Variants in TECR observed in about 807,000 individuals in gnomAD.
TECR encodes trans-2,3-enoyl-CoA reductase, also known as very-long-chain enoyl-CoA reductase.
TECR carries 19 observed loss-of-function variants against 50.6 expected under a neutral mutation model. The observed-to-expected ratio is 0.38, with a 90% CI of 0.26 to 0.55. TECR has a LOEUF of 0.55. Ranked by LOEUF, TECR falls within the 20% of genes least tolerant of loss-of-function variation. The pLI, the probability that TECR is intolerant of heterozygous loss-of-function variation, is 0.79. For missense variants in TECR, 313 were observed against 408.3 expected (o/e 0.77, Z 2.01); for synonymous variants, 168 against 163.5 (o/e 1.03, Z -0.21).
At chr19:14,543,689 C>T (rs796641545) in intron 1 of TECR, among the ~76,000 whole-genome samples, 27 of 150,482 alleles carry the variant, frequency 1.8e-4, no homozygotes, top group African/African-American at 5.9e-4. Context: ...CCTCCCGCCT[C>T]GGCCTCCCAA....
At chr19:14,560,451 C>T (rs956069679) in intron 1 of TECR, among the ~76,000 whole-genome samples, 3 of 152,186 alleles carry the variant, frequency 2.0e-5, no homozygotes, top group East Asian at 1.9e-4. Context: ...GCCCCGTGCC[C>T]GCCCAGGGCC....
rs1050138099 is a variant in TECR, at chr19:14,562,693, G to C, written c.66+118G>C. 4.2e-6 allele frequency: 5 copies of C among 1,186,370 alleles called. No homozygotes were observed. The African/African-American group carries it at 6.0e-5, about 14-fold the overall frequency. The allele number at this position is 1,186,370 out of a possible 1,614,324, so 73.5% of individuals were successfully genotyped here. ...TGCCCCACCCCCTGCCCTATGGAGGGGTATGCCCTCACTTGGGGTAGGGTG... is the reference window on the plus strand; with the variant it reads ...TGCCCCACCCCCTGCCCTATGGAGGCGTATGCCCTCACTTGGGGTAGGGTG... On this transcript the variant is annotated intron_variant, in intron 2 of 12. Transcript: ENST00000215567.
chr19:14,556,036 C>T lies in TECR; in HGVS notation c.16-6489C>T, dbSNP rs1335735804. Among the ~76,000 whole-genome samples the T allele has an allele frequency of 3.9e-5, 6 of 152,200 alleles. No homozygotes were observed. In the East Asian group the frequency reaches 1.2e-3, roughly 29 times the overall value. On this transcript the variant is annotated intron_variant, in intron 1 of 12. Coordinates refer to ENST00000215567, the MANE Select transcript of TECR (RefSeq NM_138501.6). ...CTCATCCCTCCTCTGCTCAAGAACCCTCTATGGCTGCCACTTCACTCAGAG... is the reference window on the plus strand; with the variant it reads ...CTCATCCCTCCTCTGCTCAAGAACCTTCTATGGCTGCCACTTCACTCAGAG...
At chr19:14,540,615 C>T (rs1211702591) in intron 1 of TECR, among the ~76,000 whole-genome samples, 1 of 151,816 alleles carries the variant, frequency 6.6e-6, no homozygotes, top group African/African-American at 2.4e-5. Flanking sequence ...TGGTCTTGAA[C>T]TCCTGACCAC....
rs1423628332 is a variant in TECR at position 14,565,519 on chromosome 19, CAG to C, written c.754-97_754-96del. 7 of 1,527,698 alleles carry C rather than the reference CAG, an allele frequency of 4.6e-6. No individual in the cohort carries two copies. In the African/African-American group the frequency reaches 9.6e-5, roughly 21 times the overall value. The allele number at this position is 1,527,698 out of a possible 1,614,324, so 94.6% of individuals were successfully genotyped here. On this transcript the variant is annotated intron_variant, in intron 11 of 12. Coordinates refer to ENST00000215567, the MANE Select transcript of TECR (RefSeq NM_138501.6). ...TGGAATTGGGTTCCCATCCCTGACT[CAG>C]AAAGCAGGGGCGGCGGGAGGTGGCT...
intron 1 of TECR, chr19:14,530,079 C>A (rs191492134): frequency 2.7e-6 from 1 of 363,716 alleles, no homozygotes; most frequent in African/African-American, 2.1e-5. Context: ...ACAAATCTTG[C>A]GCCACGCCGC....
chr19:14,557,990 C>T (rs1265556879), intron 1 of TECR, among the ~76,000 whole-genome samples: 1 of 149,330 alleles, frequency 6.7e-6, no homozygotes, highest in African/African-American at 2.5e-5. Context: ...CTCCTGACCT[C>T]GTGATTCGCC....
At chr19:14,543,409 ATATATATATATTTTTTTTTTTTTT>A (rs1413100461) in intron 1 of TECR, among the ~76,000 whole-genome samples, 170 of 9,442 alleles carry the variant, frequency 0.018, 3 homozygotes, top group African/African-American at 0.051. Flanking sequence ...ATATATATAT[ATATATATATATTTTTTTTTTTTTT>A]TTTTTTTTTT....
At chr19:14,564,345 G>GCCCCCACCGAGCCCCA (rs2073997682) in intron 7 of TECR, 58 bp downstream of exon 7, 9 of 920,506 alleles carry the variant, frequency 9.8e-6, no homozygotes, top group Non-Finnish European at 1.2e-5. Flanking sequence ...ACCCCGCCCC[G>GCCCCCACCGAGCCCCA]CCCCCACCGA....
At chr19:14,545,010 C>CCTCCCTGGTCCAAG in intron 1 of TECR, 1 of 443,572 alleles carries the variant, frequency 2.3e-6, no homozygotes, top group South Asian at 1.6e-5. Flanking sequence ...TTCTCTGTTC[C>CCTCCCTGGTCCAAG]CTCCCTGGTC....
Position 14,563,501 on chromosome 19 carries a change from C to A in TECR, c.119-157C>A. 1 of 991,396 alleles carries A rather than the reference C, an allele frequency of 1.0e-6. No individual in the cohort carries two copies. The highest frequency in any genetic ancestry group is 1.5e-6 in the Non-Finnish European group (1 of 650,894). The allele number at this position is 991,396 out of a possible 1,614,324, so 61.4% of individuals were successfully genotyped here. On this transcript the variant is annotated intron_variant, in intron 3 of 12. Coordinates refer to ENST00000215567, the MANE Select transcript of TECR (RefSeq NM_138501.6). The surrounding 1 kb of genome is among the most constrained non-coding windows in gnomAD (Gnocchi z 5.3). Reference sequence around the variant, plus strand: ...CGCTCTTCTGGCTTGTGTCCTGAAACCGCACAAGCCTGAGGGTTTGCCCCC... The same window carrying A: ...CGCTCTTCTGGCTTGTGTCCTGAAAACGCACAAGCCTGAGGGTTTGCCCCC...
chr19:14,563,967 C>T lies in TECR; in HGVS notation c.268-15C>T, dbSNP rs1171878249. On this transcript the variant is annotated splice_polypyrimidine_tract_variant and intron_variant, in intron 5 of 12. Transcript: ENST00000215567. The surrounding 1 kb of genome is among the most constrained non-coding windows in gnomAD (Gnocchi z 5.3). ...GCCACGTTGGGTGACTCATCTTGCCCCCCTCTACTCTCAGGTCTTCCTAAC... is the reference window on the plus strand; with the variant it reads ...GCCACGTTGGGTGACTCATCTTGCCTCCCTCTACTCTCAGGTCTTCCTAAC... The T allele has an allele frequency of 6.2e-7, 1 of 1,613,986 alleles. No individual in the cohort carries two copies. The highest frequency in any genetic ancestry group is 2.2e-5 in the East Asian group (1 of 44,884).
Position 14,564,789 on chromosome 19 carries a change from T to G in TECR, c.493T>G (p.Cys165Gly). Residue 165 changes from cysteine (C) to glycine (G), a missense_variant, in exon 8 of 13, where the codon TGC becomes GGC. By Grantham distance (159) the Cys-to-Gly change is radical. Transcript: ENST00000215567. ...TMPLRNIFKN[C>G]TYYWGFAAWM... ...TCCCTGCCCTGCTCCCTTTCAGAAC[T>G]GCACCTACTACTGGGGCTTCGCCGC... 1 of 1,613,460 alleles carries G rather than the reference T, an allele frequency of 6.2e-7. No individual in the cohort carries two copies. Among genetic ancestry groups the G allele is most frequent in the Non-Finnish European group, 8.5e-7 (1 of 1,179,820 alleles).
At chr19:14,541,700 G>C (rs1160436940) in intron 1 of TECR, among the ~76,000 whole-genome samples, 1 of 152,114 alleles carries the variant, frequency 6.6e-6, no homozygotes, top group Non-Finnish European at 1.5e-5. Flanking sequence ...GGAGCCCAGA[G>C]TTTGCATATG....
At chr19:14,539,297 A>C (rs918200519) in intron 1 of TECR, among the ~76,000 whole-genome samples, 1 of 151,862 alleles carries the variant, frequency 6.6e-6, no homozygotes, top group African/African-American at 2.4e-5. Context: ...CCTGGCTGCA[A>C]GTCACATTTT....
chr19:14,565,865 G>A lies in TECR; in HGVS notation c.921G>A (p.Leu307=), dbSNP rs763566274. ...TGCGCATGCCCATCATCCCCTTCCT[G>A]CTCTGAGCGCTCACCCCTGCTGAGG... ...PPLRMPIIPF[L]L The change falls in exon 13 of 13, where the codon CTG becomes CTA. Residue 307 remains leucine, a synonymous_variant. Transcript: ENST00000215567. 1.9e-6 allele frequency: 3 copies of A among 1,588,570 alleles called. No homozygotes were observed. The highest frequency in any genetic ancestry group is 2.6e-6 in the Non-Finnish European group (3 of 1,169,842).
At chr19:14,554,225 G>C (rs977600315) in intron 1 of TECR, among the ~76,000 whole-genome samples, 1 of 152,178 alleles carries the variant, frequency 6.6e-6, no homozygotes, top group African/African-American at 2.4e-5. Flanking sequence ...CAGGAGAGAT[G>C]TCTGGGAAGC....
Position 14,563,569 on chromosome 19 carries a change from G to A in TECR, c.119-89G>A. ...GAGTCCTGGGGTCCTTGCACCCTGG[G>A]AACCCTGAGAAGCTGGCACAGTGGC... On this transcript the variant is annotated intron_variant, in intron 3 of 12. Transcript: ENST00000215567. This position sits in a 1 kb window ranked among gnomAD's most constrained non-coding sequence, Gnocchi z 5.3. 6.3e-7 allele frequency: 1 copy of A among 1,576,510 alleles called. No homozygotes were observed.
chr19:14,542,347 G>GTTTTTTT lies in TECR; in HGVS notation c.15+12659_15+12665dup, dbSNP rs71166754. Reference sequence around the variant, plus strand: ...CCTCAGGGGGCCCTCATGCCATAGTGTTTTTTTTTTTTTTTTTTTTTTTTT... The same window carrying GTTTTTTT: ...CCTCAGGGGGCCCTCATGCCATAGTGTTTTTTTTTTTTTTTTTTTTTTTTTTTTTTTT... On this transcript the variant is annotated intron_variant, in intron 1 of 12. Transcript: ENST00000215567. Among the ~76,000 whole-genome samples, 43 of 43,300 alleles carry GTTTTTTT rather than the reference G, an allele frequency of 9.9e-4. 3 individuals carry two copies. Among genetic ancestry groups the GTTTTTTT allele is most frequent in the Middle Eastern group, 0.021 (1 of 48 alleles). The allele number at this position is 43,300 out of a possible 152,430, so 28.4% of individuals were successfully genotyped here. A position where few individuals can be genotyped will look rare whatever the true frequency, so the allele number is the denominator to read the frequency against.
Sources: allele counts gnomAD v4.1 joint callset (sites outside exome capture counted in the v4.1 genomes callset), GRCh38; gene constraint gnomAD v4.1.1; non-coding constraint Gnocchi (gnomAD v3.1); transcripts MANE v1.5; gene names NCBI Gene and HGNC (gene_info 2026-07-23, HGNC 2026-07-21).